MAX: variants seen among roughly 807,000 people sequenced by gnomAD.
MAX encodes MYC associated transcriptional regulator X.
MAX carries 3 observed loss-of-function variants against 22.3 expected under a neutral mutation model. The observed-to-expected ratio is 0.13, with a 90% CI of 0.06 to 0.35. The LOEUF is 0.35. Ranked by LOEUF, MAX falls within the 10% of genes least tolerant of loss-of-function variation. MAX has a pLI of 1.00. For synonymous variants in MAX, 72 were observed against 77.7 expected, an observed-to-expected ratio of 0.93 and a Z score of 0.39; for missense variants, 119 against 209.4, an observed-to-expected ratio of 0.57 and a Z score of 2.66.
chr14:65,094,613 A>C (rs2139896542), intron 2 of MAX, among the ~76,000 whole-genome samples: 1 of 152,314 alleles, frequency 6.6e-6, no homozygotes, highest in Admixed American at 6.5e-5. Flanking sequence ...CTAAATATCC[A>C]AGTCAAAGCC....
At chr14:65,013,996 A>T (rs1426226134) in intron 3 of MAX, among the ~76,000 whole-genome samples, 1 of 152,240 alleles carries the variant, frequency 6.6e-6, no homozygotes, top group African/African-American at 2.4e-5. Flanking sequence ...CTTAAGCTGC[A>T]TCCCTGGCAG....
chr14:65,091,439 G>A (rs1388585183), intron 3 of MAX, among the ~76,000 whole-genome samples: 1 of 152,158 alleles, frequency 6.6e-6, no homozygotes, highest in Non-Finnish European at 1.5e-5. Flanking sequence ...TTCTCAAATT[G>A]GGGTTTTGTT....
At chr14:65,061,419 T>C in intron 3 of MAX, 1 of 1,478,264 alleles carries the variant, frequency 6.8e-7, no homozygotes, top group South Asian at 1.4e-5. Flanking sequence ...TTAGCCTCAG[T>C]GGAGCTGTGG....
rs765338814 is a variant in MAX at position 65,101,546 on chromosome 14, C to G, written c.63G>C (p.Ala21=). The G allele has an allele frequency of 6.2e-7, 1 of 1,608,494 alleles. No homozygotes were observed. Among genetic ancestry groups the G allele is most frequent in the Non-Finnish European group, 8.5e-7 (1 of 1,176,614 alleles). ...SDEEQPRFQS[A]ADKRAHHNAL... ...ATGAAATGGAGAGTAGGAGACGTAC[C>G]GCAGATTGAAACCTCGGTTGCTCTT... is the stretch of plus-strand genomic sequence containing the variant. The change falls in exon 2 of 5, where the codon GCG becomes GCC. Residue 21 remains alanine (A), a splice_region_variant and synonymous_variant. Coordinates refer to ENST00000358664, the MANE Select transcript of MAX (RefSeq NM_002382.5).
chr14:65,076,381 T>C lies in MAX; in HGVS notation c.*95A>G. 2 of 1,575,518 alleles carry C rather than the reference T, an allele frequency of 1.3e-6. No individual in the cohort carries two copies. The highest frequency in any genetic ancestry group is 1.8e-5 in the Admixed American group (1 of 54,066). ...AAGGGAGAAAGAGAAAAATAAAGAG[T>C]CTCTTAAATGGTTCTGAGGGCTCTA... On this transcript the variant is annotated 3_prime_UTR_variant, in exon 5 of 5. Coordinates refer to ENST00000358664, the MANE Select transcript of MAX (RefSeq NM_002382.5). This position sits in a 1 kb window ranked among gnomAD's most constrained non-coding sequence, Gnocchi z 6.6.
At chr14:65,010,784 C>T (rs2061670488) in intron 3 of MAX, among the ~76,000 whole-genome samples, 1 of 152,088 alleles carries the variant, frequency 6.6e-6, no homozygotes, top group Non-Finnish European at 1.5e-5. Flanking sequence ...GGCAGTACTC[C>T]TGCTTTCCTC....
chr14:65,101,971 C>T (rs1378345371), intron 1 of MAX, among the ~76,000 whole-genome samples: 1 of 152,286 alleles, frequency 6.6e-6, no homozygotes, highest in East Asian at 1.9e-4. Flanking sequence ...CCCCTGGATC[C>T]GGACAATGGG....
Position 65,082,693 on chromosome 14 carries a change from T to C in MAX, c.172-4657A>G, listed in dbSNP as rs542299157. 6.4e-4 allele frequency among the ~76,000 whole-genome samples: 97 copies of C among 151,004 alleles called. 1 individual carries two copies. The highest frequency in any genetic ancestry group is 2.3e-3 in the African/African-American group (94 of 41,014). ...AAGGTGGGAGGATCTCTTGAGCCCA[T>C]GGGGCTGAAGCTGCAGTGAGACAGG... On this transcript the variant is annotated intron_variant, in intron 3 of 4. Coordinates refer to ENST00000358664, the MANE Select transcript of MAX (RefSeq NM_002382.5). The surrounding 1 kb of genome is among the most constrained non-coding windows in gnomAD (Gnocchi z 4.8).
At chr14:65,037,214 C>A (rs952135568) in intron 3 of MAX, among the ~76,000 whole-genome samples, 1 of 151,282 alleles carries the variant, frequency 6.6e-6, no homozygotes, top group African/African-American at 2.4e-5. Flanking sequence ...AGCAATTCTC[C>A]TGCCTCAGCC....
In MAX at chr14:65,032,733, A is replaced by G; in HGVS notation, c.172-26449T>C. The G allele has an allele frequency of 2.5e-6, 4 of 1,597,476 alleles. No individual in the cohort carries two copies. The highest frequency in any genetic ancestry group is 1.3e-5 in the African/African-American group (1 of 74,116). ...CAGGGTTTCTCCTGGCCTCTTGGAG[A>G]GCAGGCGGTCACGACACTACTTCAG... On this transcript the variant is annotated intron_variant, in intron 3 of 3. Transcript: ENST00000341653. The surrounding 1 kb of genome is among the most constrained non-coding windows in gnomAD (Gnocchi z 5.0).
intron 3 of MAX, among the ~76,000 whole-genome samples, chr14:65,092,098 T>C (rs936497985): frequency 6.6e-6 from 1 of 152,236 alleles, no homozygotes; most frequent in East Asian, 1.9e-4. Context: ...AAGAATGTTA[T>C]GGCATTGTAA....
chr14:65,020,091 G>C (rs2061857303), intron 3 of MAX, among the ~76,000 whole-genome samples: 1 of 152,078 alleles, frequency 6.6e-6, no homozygotes, highest in Admixed American at 6.5e-5. Context: ...TTACACAAAG[G>C]TTTCTCTTTC....
chr14:65,052,351 G>A (rs1201751100), intron 3 of MAX, among the ~76,000 whole-genome samples: 1 of 152,124 alleles, frequency 6.6e-6, no homozygotes, highest in Admixed American at 6.5e-5. Flanking sequence ...TAGCTTTCAG[G>A]TGCCATTTAC....
At position 65,068,861 on chromosome 14, in the gene MAX, T is replaced by C. The variant is rs545172194; in HGVS notation, c.171+24847A>G. ...AGTATTGCATGTTGGTTACCCCGAG[T>C]GTGAGACTTCATTGCTACCTTCTGT... On this transcript the variant is annotated intron_variant, in intron 3 of 3. Transcript: ENST00000341653. Among the ~76,000 whole-genome samples the C allele has an allele frequency of 2.0e-5, 3 of 152,236 alleles. No homozygotes were observed. The South Asian group carries it at 6.2e-4, about 32-fold the overall frequency.
chr14:65,010,528 C>T (rs1595012045), intron 3 of MAX, among the ~76,000 whole-genome samples: 1 of 152,230 alleles, frequency 6.6e-6, no homozygotes. Context: ...CCAACTGGGT[C>T]AGCTCCTCAG....
intron 3 of MAX, among the ~76,000 whole-genome samples, chr14:65,091,059 A>C (rs537169811): frequency 6.6e-5 from 10 of 152,300 alleles, no homozygotes; most frequent in Non-Finnish European, 1.3e-4. Context: ...ACTGGAACAC[A>C]GAGAGACCCA....
In MAX at chr14:65,032,318, T is replaced by G. The variant is rs569710792; in HGVS notation, c.172-26034A>C. ...CTTTGAAAGAAGAGCTGAATCCACT[T>G]TTGACATGAATTGATATGGCTGTTA... On this transcript the variant is annotated intron_variant, in intron 3 of 3. Transcript: ENST00000341653. This position sits in a 1 kb window ranked among gnomAD's most constrained non-coding sequence, Gnocchi z 5.0. 1.9e-4 allele frequency: 52 copies of G among 270,304 alleles called. No individual in the cohort carries two copies. The highest frequency in any genetic ancestry group is 1.1e-3 in the African/African-American group (48 of 45,110). The allele number at this position is 270,304 out of a possible 1,614,324, so 16.7% of individuals were successfully genotyped here.
Position 65,012,479 on chromosome 14 carries a change from G to C in MAX, c.172-6195C>G, listed in dbSNP as rs1050900604. The C allele has an allele frequency of 6.5e-7, 1 of 1,533,596 alleles. No individual in the cohort carries two copies. The highest frequency in any genetic ancestry group is 1.4e-5 in the African/African-American group (1 of 72,970). The allele number at this position is 1,533,596 out of a possible 1,614,324, so 95.0% of individuals were successfully genotyped here. A position where few individuals can be genotyped will look rare whatever the true frequency, so the allele number is the denominator to read the frequency against. On this transcript the variant is annotated intron_variant, in intron 3 of 3. Coordinates refer to the MAX transcript ENST00000341653. This position sits in a 1 kb window ranked among gnomAD's most constrained non-coding sequence, Gnocchi z 5.0. Reference sequence around the variant, plus strand: ...TTAAACGTAAAAGACTGTTGGGGCTGACCTGTTGCAGAGTCACTCTTTGTT... The same window carrying C: ...TTAAACGTAAAAGACTGTTGGGGCTCACCTGTTGCAGAGTCACTCTTTGTT...
At chr14:65,089,018 T>A (rs988252484) in intron 3 of MAX, among the ~76,000 whole-genome samples, 1 of 152,214 alleles carries the variant, frequency 6.6e-6, no homozygotes, top group African/African-American at 2.4e-5. Context: ...ATGCTCAGCA[T>A]GTTATCTCAT....
Sources: gnomAD v4.1 joint callset for allele counts (sites outside exome capture counted in the v4.1 genomes callset) on GRCh38, gnomAD v4.1.1 for gene constraint, Gnocchi (gnomAD v3.1) non-coding constraint, MANE v1.5 for transcripts, NCBI Gene and HGNC (gene_info 2026-07-23, HGNC 2026-07-21) for gene names.